The following ZNF107 variants were observed in gnomAD, a reference collection of about 807,000 sequenced individuals.
ZNF107 encodes the protein zinc finger protein 107, also known as C2H2 type zinc-finger protein.
ZNF107 carries 19 observed loss-of-function variants against 12.3 expected under a neutral mutation model. The ratio of observed to expected loss-of-function variants is 1.55; its 90% CI spans 1.08 to 2.27. The LOEUF (loss-of-function observed/expected upper bound fraction) is 2.27, where lower values mean the gene tolerates loss of function less well. Ranked by LOEUF, ZNF107 falls within the 30% of genes most tolerant of loss-of-function variation. ZNF107 has a pLI of 0.00. For synonymous variants in ZNF107, 317 were observed against 330.5 expected (o/e 0.96, Z 0.44); for missense variants, 958 against 979.9 (o/e 0.98, Z 0.30).
chr7:64,707,847 A>G lies in ZNF107; in HGVS notation c.1750A>G (p.Lys584Glu). 1.2e-6 allele frequency: 2 copies of G among 1,613,456 alleles called. No homozygotes were observed. The highest frequency in any genetic ancestry group is 2.2e-5 in the South Asian group (2 of 91,036). ...TCAATCCTATCAACTTACTAGACATAAGATAGTTCATACTAAAGAGAAACT... is the reference window on the plus strand; with the variant it reads ...TCAATCCTATCAACTTACTAGACATGAGATAGTTCATACTAAAGAGAAACT... ...FNQSYQLTRH[K>E]IVHTKEKLNK... Residue 584 changes from lysine (K) to glutamate (E), a missense_variant, in exon 4 of 4, where the codon AAG becomes GAG. Coordinates refer to ENST00000620827, the MANE Select transcript of ZNF107 (RefSeq NM_001282359.2).
Position 64,688,588 on chromosome 7 carries a change from T to C in ZNF107, c.4-2660T>C, listed in dbSNP as rs143537621. Among the ~76,000 whole-genome samples, 1,003 of 152,238 alleles carry C rather than the reference T, an allele frequency of 6.6e-3. 12 individuals are homozygous for C. Among genetic ancestry groups the C allele is most frequent in the African/African-American group, 0.021 (893 of 41,546 alleles). ...TTCCTCTTCTTAAAATACCCACAAATGTGTGGATGACACCTACTGCTACTG... is the reference window on the plus strand; with the variant it reads ...TTCCTCTTCTTAAAATACCCACAAACGTGTGGATGACACCTACTGCTACTG... On this transcript the variant is annotated intron_variant, in intron 1 of 3. Coordinates refer to ENST00000620827, the MANE Select transcript of ZNF107 (RefSeq NM_001282359.2).
intron 3 of ZNF107, among the ~76,000 whole-genome samples, chr7:64,700,984 T>C (rs1790458363): frequency 6.6e-6 from 1 of 152,244 alleles, no homozygotes; most frequent in South Asian, 2.1e-4. Context: ...TCTACAATTA[T>C]GTTGCTATGT....
At chr7:64,683,656 C>T (rs760872515) in intron 1 of ZNF107, among the ~76,000 whole-genome samples, 55 of 152,132 alleles carry the variant, frequency 3.6e-4, no homozygotes, top group South Asian at 8.3e-4. Context: ...GCCTTTGGCT[C>T]GCCTCCTAGA....
rs138310490 is a variant in ZNF107, at chr7:64,683,411, G to T, written c.4-7837G>T. Among the ~76,000 whole-genome samples, 167 of 152,338 alleles carry T rather than the reference G, an allele frequency of 1.1e-3. 1 individual carries two copies. Among genetic ancestry groups the T allele is most frequent in the Admixed American group, 2.1e-3 (32 of 15,310 alleles). On this transcript the variant is annotated intron_variant, in intron 1 of 3. Coordinates refer to ENST00000620827, the MANE Select transcript of ZNF107 (RefSeq NM_001282359.2). ...TGCCCATGCCAGTAAAACAGCAAAAGAGGTGGCAAACACCTCAGTGTCTGC... is the reference window on the plus strand; with the variant it reads ...TGCCCATGCCAGTAAAACAGCAAAATAGGTGGCAAACACCTCAGTGTCTGC...
intron 3 of ZNF107, among the ~76,000 whole-genome samples, chr7:64,704,257 A>T (rs914790619): frequency 2.0e-5 from 3 of 151,784 alleles, no homozygotes; most frequent in Non-Finnish European, 4.4e-5. Context: ...TTATTTATTT[A>T]TTTTTTTTAG....
chr7:64,672,515 C>T (rs989567299), intron 1 of ZNF107, among the ~76,000 whole-genome samples: 4 of 152,082 alleles, frequency 2.6e-5, no homozygotes, highest in African/African-American at 9.7e-5. Context: ...TATCATTATG[C>T]CCGGCTAATT....
Position 64,709,038 on chromosome 7 carries a change from G to T in ZNF107, c.*382G>T. ...ACATAAGATAATTTATACTGGAGAG[G>T]AACTCTATAGTTGTGAAGAATGTGG... On this transcript the variant is annotated 3_prime_UTR_variant, in exon 4 of 4. Coordinates refer to ENST00000620827, the MANE Select transcript of ZNF107 (RefSeq NM_001282359.2). 2 of 436,448 alleles carry T rather than the reference G, an allele frequency of 4.6e-6. No individual in the cohort carries two copies. The highest frequency in any genetic ancestry group is 9.1e-6 in the Non-Finnish European group (2 of 219,486). 27.0% of individuals were successfully genotyped at this position (436,448 alleles called of 1,614,324 possible).
At position 64,691,287 on chromosome 7, in the gene ZNF107, C is replaced by A; in HGVS notation, c.43C>A (p.Leu15Met). 1 of 1,553,920 alleles carries A rather than the reference C, an allele frequency of 6.4e-7. No homozygotes were observed. Among genetic ancestry groups the A allele is most frequent in the Non-Finnish European group, 8.7e-7 (1 of 1,151,704 alleles). The change falls in exon 2 of 4, where the codon CTG becomes ATG. Residue 15 changes from leucine (L) to methionine (M), a missense_variant. Leu to Met is a conservative substitution (Grantham distance 15). Transcript: ENST00000620827. Reference protein sequence around the residue: ...TFKDVAIEFSLEEWQCLDTAQ... With the variant: ...TFKDVAIEFSMEEWQCLDTAQ... ...TAAAGATGTCGCCATAGAATTCTCTCTGGAGGAGTGGCAATGCCTGGATAC... is the reference window on the plus strand; with the variant it reads ...TAAAGATGTCGCCATAGAATTCTCTATGGAGGAGTGGCAATGCCTGGATAC...
At chr7:64,684,862 C>T (rs1197821963) in intron 1 of ZNF107, 1 of 380,696 alleles carries the variant, frequency 2.6e-6, no homozygotes, top group African/African-American at 2.2e-5. Flanking sequence ...TCCAGTAATG[C>T]CTAATTACCT....
intron 1 of ZNF107, chr7:64,686,936 C>A (rs1388204911): frequency 1.6e-5 from 16 of 985,322 alleles, no homozygotes; most frequent in South Asian, 4.7e-5. Flanking sequence ...CACACACTTA[C>A]AAAATTCTGC....
rs1179422711 is a variant in ZNF107, at chr7:64,707,778, G to A, written c.1681G>A (p.Gly561Arg). ...TACTAAACATAAGAGAATTCATACTGGAGAAAAACCCTATAAATGTGAAGA... is the reference window on the plus strand; with the variant it reads ...TACTAAACATAAGAGAATTCATACTAGAGAAAAACCCTATAAATGTGAAGA... The part of the protein sequence containing the change: ...TLTKHKRIHT[G>R]EKPYKCEECG... Residue 561 changes from glycine to arginine, a missense_variant, in exon 4 of 4, where the codon GGA (glycine) becomes AGA (arginine). Gly to Arg is a moderately radical substitution (Grantham distance 125). Transcript: ENST00000620827. 1.2e-6 allele frequency: 2 copies of A among 1,611,754 alleles called. No individual in the cohort carries two copies. Among genetic ancestry groups the A allele is most frequent in the African/African-American group, 2.7e-5 (2 of 74,684 alleles).
intron 3 of ZNF107, among the ~76,000 whole-genome samples, chr7:64,693,169 T>A (rs1385857199): frequency 6.8e-6 from 1 of 147,070 alleles, no homozygotes; most frequent in Non-Finnish European, 1.5e-5. Flanking sequence ...CAGCTAATTT[T>A]TTTTTTTTTT....
chr7:64,680,226 C>T (rs903001470), intron 1 of ZNF107, among the ~76,000 whole-genome samples: 3 of 152,132 alleles, frequency 2.0e-5, no homozygotes, highest in Non-Finnish European at 4.4e-5. Flanking sequence ...GTTTCTTTCT[C>T]CCTGTCTGAC....
intron 1 of ZNF107, among the ~76,000 whole-genome samples, chr7:64,675,580 A>T (rs1026141967): frequency 6.6e-6 from 1 of 152,034 alleles, no homozygotes; most frequent in Non-Finnish European, 1.5e-5. Flanking sequence ...ATAGTTTTTC[A>T]TGTCTAAATT....
At chr7:64,668,770 T>TG (rs1471805970) in intron 1 of ZNF107, among the ~76,000 whole-genome samples, 1 of 152,032 alleles carries the variant, frequency 6.6e-6, no homozygotes, top group Non-Finnish European at 1.5e-5. Flanking sequence ...TCCAACGGTA[T>TG]TCCAAGGCTT....
At position 64,708,517 on chromosome 7, in the gene ZNF107, A is replaced by G. The variant is rs749069733; in HGVS notation, c.2420A>G (p.His807Arg). 3 of 1,613,260 alleles carry G rather than the reference A, an allele frequency of 1.9e-6. No individual in the cohort carries two copies. Among genetic ancestry groups the G allele is most frequent in the Non-Finnish European group, 2.5e-6 (3 of 1,179,584 alleles). ...SFNQFSSLNI[H>R]KIIHTGEKPY... ...AACCAGTTCTCATCTCTTAATATACATAAGATAATTCATACTGGAGAGAAA... is the reference window on the plus strand; with the variant it reads ...AACCAGTTCTCATCTCTTAATATACGTAAGATAATTCATACTGGAGAGAAA... Residue 807 changes from histidine (H) to arginine (R), a missense_variant, in exon 4 of 4, where the codon CAT becomes CGT. His to Arg is a conservative substitution (Grantham distance 29). Coordinates refer to ENST00000620827, the MANE Select transcript of ZNF107 (RefSeq NM_001282359.2).
At chr7:64,677,118 ACCT>A (rs1311354320) in intron 1 of ZNF107, among the ~76,000 whole-genome samples, 1 of 151,860 alleles carries the variant, frequency 6.6e-6, no homozygotes, top group Admixed American at 6.6e-5. Flanking sequence ...TTGGCAAAAA[ACCT>A]CCTAAAATGA....
At position 64,690,422 on chromosome 7, in the gene ZNF107, G is replaced by C; in HGVS notation, c.4-826G>C. 7.1e-6 allele frequency: 7 copies of C among 985,400 alleles called. 1 individual carries two copies. Among genetic ancestry groups the C allele is most frequent in the Non-Finnish European group, 8.4e-6 (7 of 829,956 alleles). The allele number at this position is 985,400 out of a possible 1,614,324, so 61.0% of individuals were successfully genotyped here. A position where few individuals can be genotyped will look rare whatever the true frequency, so the allele number is the denominator to read the frequency against. ...AGGTCTGGCCCCACCCTGGAGTCTTGCCTCACAGAACTGATTAGAAGAGAT... is the reference window on the plus strand; with the variant it reads ...AGGTCTGGCCCCACCCTGGAGTCTTCCCTCACAGAACTGATTAGAAGAGAT... On this transcript the variant is annotated intron_variant, in intron 1 of 3. Transcript: ENST00000620827.
intron 1 of ZNF107, among the ~76,000 whole-genome samples, chr7:64,667,951 C>CAAA (rs56005729): frequency 0.034 from 4,740 of 138,794 alleles, 266 homozygotes; most frequent in African/African-American, 0.12. Flanking sequence ...TTCCAGAAGA[C>CAAA]AAAAAAAAAA....
Sources: gnomAD v4.1 joint callset for allele counts (sites outside exome capture counted in the v4.1 genomes callset) on GRCh38, gnomAD v4.1.1 for gene constraint, MANE v1.5 for transcripts, NCBI Gene and HGNC (gene_info 2026-07-23, HGNC 2026-07-21) for gene names.